The following SMC6 variants were observed in gnomAD, a reference collection of about 807,000 sequenced individuals.
SMC6 encodes the protein structural maintenance of chromosomes 6, also known as structural maintenance of chromosomes protein 6.
Under a neutral mutation model 142.2 loss-of-function variants are expected in SMC6, and 79 were observed. The ratio of observed to expected loss-of-function variants is 0.56; its 90% CI spans 0.46 to 0.67. SMC6 has a LOEUF of 0.67. Among genes scored for constraint, SMC6 ranks in the 30% least tolerant of loss-of-function variants. The pLI, the probability that SMC6 is intolerant of heterozygous loss-of-function variation, is 0.00. For synonymous variants in SMC6, 411 were observed against 412.4 expected (o/e 1.00, Z 0.04); for missense variants, 1,072 against 1,284.0 (o/e 0.83, Z 2.52).
intron 25 of SMC6, among the ~76,000 whole-genome samples, chr2:17,674,465 G>A (rs550902126): frequency 6.6e-6 from 1 of 152,062 alleles, no homozygotes; most frequent in African/African-American, 2.4e-5. Flanking sequence ...CCAGGAAATG[G>A]TCTATTTTGG....
chr2:17,733,635 G>A (rs1450801705), intron 5 of SMC6, among the ~76,000 whole-genome samples: 1 of 152,194 alleles, frequency 6.6e-6, no homozygotes, highest in East Asian at 1.9e-4. Context: ...AAGACATGAT[G>A]AAGTCGAGAG....
chr2:17,688,014 T>G (rs1013810042), intron 23 of SMC6, among the ~76,000 whole-genome samples: 10 of 152,062 alleles, frequency 6.6e-5, no homozygotes, highest in Middle Eastern at 6.8e-3. Context: ...GAATTCCTCC[T>G]GTGGAGGAAA....
intron 5 of SMC6, among the ~76,000 whole-genome samples, chr2:17,734,061 T>C (rs549803555): frequency 6.6e-6 from 1 of 152,182 alleles, no homozygotes; most frequent in East Asian, 1.9e-4. Flanking sequence ...CCAATTAAGT[T>C]AGGATTGTGA....
At chr2:17,721,567 T>C (rs923037136) in intron 9 of SMC6, among the ~76,000 whole-genome samples, 3 of 152,174 alleles carry the variant, frequency 2.0e-5, no homozygotes, top group Non-Finnish European at 2.9e-5. Context: ...TTTCCCTCTT[T>C]ATTCCCTATC....
chr2:17,705,391 A>G (rs577623082), intron 18 of SMC6, among the ~76,000 whole-genome samples: 1 of 152,230 alleles, frequency 6.6e-6, no homozygotes, highest in Non-Finnish European at 1.5e-5. Flanking sequence ...AGCCTTGTCA[A>G]TATGGTGAAA....
chr2:17,711,294 A>G (rs1668814061), intron 16 of SMC6, among the ~76,000 whole-genome samples: 1 of 152,192 alleles, frequency 6.6e-6, no homozygotes. Flanking sequence ...AGGATACAAT[A>G]TTAGTCTAGC....
intron 11 of SMC6, among the ~76,000 whole-genome samples, chr2:17,719,547 A>C (rs1669268492): frequency 6.6e-6 from 1 of 152,220 alleles, no homozygotes; most frequent in African/African-American, 2.4e-5. Flanking sequence ...CCATTTAAAA[A>C]AGAGGTGAGC....
chr2:17,712,229 T>C (rs2124981307), intron 16 of SMC6, among the ~76,000 whole-genome samples: 1 of 152,346 alleles, frequency 6.6e-6, no homozygotes, highest in Non-Finnish European at 1.5e-5. Flanking sequence ...GTGGTAAGTC[T>C]ATGAGTGAAT....
chr2:17,714,800 C>T, intron 16 of SMC6, 61 bp downstream of exon 16: 1 of 1,524,130 alleles, frequency 6.6e-7, no homozygotes, highest in Admixed American at 1.9e-5. Context: ...TGTTTTAACT[C>T]TTTCCAATCT....
chr2:17,705,119 G>A (rs1314227955), intron 18 of SMC6, among the ~76,000 whole-genome samples: 6 of 151,804 alleles, frequency 4.0e-5, no homozygotes, highest in Non-Finnish European at 8.8e-5. Flanking sequence ...TTAGCCGGGT[G>A]TGGTGGCACG....
intron 5 of SMC6, among the ~76,000 whole-genome samples, chr2:17,733,076 C>T (rs191207518): frequency 2.0e-5 from 3 of 152,222 alleles, no homozygotes; most frequent in African/African-American, 7.2e-5. Context: ...TGCTAAAGTC[C>T]CTTAATATAA....
At chr2:17,692,249 T>A (rs913631065) in intron 23 of SMC6, among the ~76,000 whole-genome samples, 4 of 152,136 alleles carry the variant, frequency 2.6e-5, no homozygotes, top group Non-Finnish European at 4.4e-5. Flanking sequence ...CGTTGCCAAG[T>A]CAATCCTAAG....
chr2:17,676,327 T>C (rs1666993494), intron 25 of SMC6, among the ~76,000 whole-genome samples: 1 of 152,186 alleles, frequency 6.6e-6, no homozygotes, highest in African/African-American at 2.4e-5. Flanking sequence ...CTTTCTCTTG[T>C]AATTATCATC....
chr2:17,729,483 CAGA>C (rs1417183529), intron 7 of SMC6, among the ~76,000 whole-genome samples: 3 of 152,146 alleles, frequency 2.0e-5, no homozygotes, highest in Non-Finnish European at 4.4e-5. Flanking sequence ...CAGCTGTCCA[CAGA>C]AGAAGGAAGA....
chr2:17,703,365 C>T, intron 18 of SMC6, 73 bp from the exon 19 acceptor site: 1 of 1,354,026 alleles, frequency 7.4e-7, no homozygotes, highest in South Asian at 1.4e-5. Context: ...TAGACCTTTA[C>T]AAAGAAAGCC....
rs1374467093 is a variant in SMC6 at position 17,720,989 on chromosome 2, A to G, written c.896T>C (p.Ile299Thr). Reference protein sequence around the residue: ...QLNAIRDNIKIGEDRAARLDR... With the variant: ...QLNAIRDNIKTGEDRAARLDR... The stretch of plus-strand genomic sequence containing the variant: ...AAGTCTAGCAGCACGATCTTCTCCA[A>G]TTTTGATATTATCTCTGATGGCATT... The change falls in exon 11 of 28, where the codon ATT becomes ACT. Residue 299 changes from isoleucine to threonine, a missense_variant. This residue lies in a region of SMC6 where 994 missense variants were observed against 1,153.2 expected (regional missense o/e 0.86). Transcript: ENST00000448223. 2 of 1,613,746 alleles carry G rather than the reference A, an allele frequency of 1.2e-6. No homozygotes were observed. Among genetic ancestry groups the G allele is most frequent in the Middle Eastern group, 1.7e-4 (1 of 6,008 alleles).
chr2:17,700,318 G>T lies in SMC6; in HGVS notation c.2284C>A (p.Gln762Lys). 1 of 1,609,242 alleles carries T rather than the reference G, an allele frequency of 6.2e-7. No homozygotes were observed. The highest frequency in any genetic ancestry group is 8.5e-7 in the Non-Finnish European group (1 of 1,177,892). ...TTAAGATGCTCCATATTTTCTTTTT[G>T]TTGCTCCATATGTTCCTCAACCATT... The part of the protein sequence containing the change: ...MKMVEEHMEQ[Q>K]KENMEHLKSL... The change falls in exon 21 of 28, where the codon CAA (glutamine) becomes AAA (lysine). Residue 762 changes from glutamine to lysine, a missense_variant. Gln to Lys is a moderately conservative substitution (Grantham distance 53). Around this residue, in one of 3 missense-constraint regions of SMC6, gnomAD observed 994 missense variants for 1,153.2 expected, o/e 0.86. Coordinates refer to ENST00000448223, the MANE Select transcript of SMC6 (RefSeq NM_001142286.2).
chr2:17,687,889 T>C (rs1331647807), intron 23 of SMC6, among the ~76,000 whole-genome samples: 2 of 152,182 alleles, frequency 1.3e-5, no homozygotes, highest in African/African-American at 4.8e-5. Flanking sequence ...CAGAGTAAAT[T>C]TACTAAATAG....
chr2:17,670,578 T>G lies in SMC6; in HGVS notation c.2911-3A>C, dbSNP rs1666707080. ...TTATTTCCTTCTCCAGGCTGAACCT[T>G]GAAGAGAATGAGTTGACAAGGAACA... On this transcript the variant is annotated splice_region_variant and splice_polypyrimidine_tract_variant and intron_variant, in intron 25 of 27. Coordinates refer to ENST00000448223, the MANE Select transcript of SMC6 (RefSeq NM_001142286.2). 8 of 1,531,948 alleles carry G rather than the reference T, an allele frequency of 5.2e-6. No homozygotes were observed. Among genetic ancestry groups the G allele is most frequent in the South Asian group, 1.3e-5 (1 of 77,898 alleles). The allele number at this position is 1,531,948 out of a possible 1,614,324, so 94.9% of individuals were successfully genotyped here.
Sources: gnomAD v4.1 joint callset for allele counts (sites outside exome capture counted in the v4.1 genomes callset) on GRCh38, gnomAD v4.1.1 for gene constraint, gnomAD v4.1.1 regional missense constraint, MANE v1.5 for transcripts, NCBI Gene and HGNC (gene_info 2026-07-23, HGNC 2026-07-21) for gene names.